The following CDH12 variants were observed in gnomAD, a reference collection of about 807,000 sequenced individuals.
The protein encoded by CDH12 is cadherin-12.
CDH12 carries 41 observed loss-of-function variants against 74.1 expected under a neutral mutation model. That is an observed-to-expected ratio of 0.55 (90% CI 0.43 to 0.72). The LOEUF (loss-of-function observed/expected upper bound fraction) is 0.72, where lower values mean the gene tolerates loss of function less well. Among genes scored for constraint, CDH12 ranks in the 30% least tolerant of loss-of-function variants. The probability of loss-of-function intolerance (pLI) is 0.00; values close to 1 mark genes in which losing one functional copy is unlikely to be tolerated. For synonymous variants in CDH12, 399 were observed against 355.0 expected (o/e 1.12, Z -1.39); for missense variants, 945 against 977.2 (o/e 0.97, Z 0.44).
intron 2 of CDH12, among the ~76,000 whole-genome samples, chr5:22,449,614 G>T (rs1375820215): frequency 6.6e-6 from 1 of 152,036 alleles, no homozygotes; most frequent in Non-Finnish European, 1.5e-5. Flanking sequence ...TGAAAATGAT[G>T]TGATTTGTTA....
chr5:22,524,954 T>TC (rs1463039186), intron 1 of CDH12, among the ~76,000 whole-genome samples: 1 of 130,338 alleles, frequency 7.7e-6, no homozygotes, highest in Non-Finnish European at 1.6e-5. Flanking sequence ...ATGCTATCCC[T>TC]CCCCCCTCCC....
intron 1 of CDH12, among the ~76,000 whole-genome samples, chr5:22,823,209 A>T (rs1749805254): frequency 7.3e-6 from 1 of 137,546 alleles, no homozygotes; most frequent in Non-Finnish European, 1.6e-5. Context: ...CAGGAAGGGG[A>T]ACATCACACT....
intron 3 of CDH12, among the ~76,000 whole-genome samples, chr5:22,385,735 G>A (rs369980731): frequency 6.6e-6 from 1 of 152,000 alleles, no homozygotes; most frequent in Non-Finnish European, 1.5e-5. Context: ...ATAAATAAAA[G>A]ATGTTTAATT....
intron 2 of CDH12, among the ~76,000 whole-genome samples, chr5:22,453,151 C>T (rs1036012649): frequency 3.3e-5 from 5 of 151,976 alleles, no homozygotes; most frequent in East Asian, 1.9e-4. Context: ...TAAATTAGTA[C>T]AGCCACTATC....
At chr5:22,173,306 T>C (rs1281018058) in intron 4 of CDH12, among the ~76,000 whole-genome samples, 1 of 146,756 alleles carries the variant, frequency 6.8e-6, no homozygotes, top group African/African-American at 2.5e-5. Context: ...TATAATATAA[T>C]TTACATTTTA....
intron 10 of CDH12, among the ~76,000 whole-genome samples, chr5:21,793,734 C>G (rs1468329882): frequency 6.6e-6 from 1 of 151,442 alleles, no homozygotes; most frequent in Admixed American, 6.6e-5. Context: ...GCATTTCCTG[C>G]TTGTGATTAG....
intron 1 of CDH12, among the ~76,000 whole-genome samples, chr5:22,669,669 A>G (rs1740805414): frequency 6.6e-6 from 1 of 152,212 alleles, no homozygotes; most frequent in African/African-American, 2.4e-5. Context: ...ATGGCAATGA[A>G]GATTTCATAC....
chr5:22,833,662 T>C (rs1245945512), intron 1 of CDH12, among the ~76,000 whole-genome samples: 1 of 152,226 alleles, frequency 6.6e-6, no homozygotes, highest in Non-Finnish European at 1.5e-5. Flanking sequence ...TTTTAATTAT[T>C]TGAAAAGCTC....
In CDH12 at chr5:22,391,037, G is replaced by C. The variant is rs147667677; in HGVS notation, c.-333+14220C>G. On this transcript the variant is annotated intron_variant, in intron 3 of 14. Transcript: ENST00000382254. ...ATAGGGTTGCAGTGCTAGGATTAGA[G>C]TTGTGTCCTTCTATGGTAGCACTAG... 6.0e-4 allele frequency among the ~76,000 whole-genome samples: 92 copies of C among 152,292 alleles called. 1 individual carries two copies. The highest frequency in any genetic ancestry group is 2.1e-3 in the African/African-American group (88 of 41,572).
intron 1 of CDH12, among the ~76,000 whole-genome samples, chr5:22,709,300 T>C (rs976079034): frequency 2.0e-5 from 3 of 151,884 alleles, no homozygotes; most frequent in Non-Finnish European, 4.4e-5. Context: ...TACAAGGTGG[T>C]ACATGACAGA....
chr5:21,844,839 T>C (rs1750070295), intron 7 of CDH12, among the ~76,000 whole-genome samples: 1 of 152,104 alleles, frequency 6.6e-6, no homozygotes, highest in African/African-American at 2.4e-5. Context: ...AGATGGATAG[T>C]GATATAGTGA....
At chr5:22,343,060 G>C (rs929043729) in intron 3 of CDH12, among the ~76,000 whole-genome samples, 1 of 151,666 alleles carries the variant, frequency 6.6e-6, no homozygotes, top group South Asian at 2.1e-4. Flanking sequence ...TCACTATGTT[G>C]GCCAGGCTGG....
chr5:22,225,778 G>A (rs1013196560), intron 3 of CDH12, among the ~76,000 whole-genome samples: 9 of 151,994 alleles, frequency 5.9e-5, no homozygotes, highest in African/African-American at 2.2e-4. Flanking sequence ...TTTTCTCTGG[G>A]CAATCCCAGT....
At chr5:22,777,822 TA>T (rs1478259921) in intron 1 of CDH12, among the ~76,000 whole-genome samples, 1 of 152,158 alleles carries the variant, frequency 6.6e-6, no homozygotes, top group African/African-American at 2.4e-5. Context: ...AATATATCAA[TA>T]TTTTTTTTGA....
At chr5:21,868,704 A>T (rs543672140) in intron 6 of CDH12, among the ~76,000 whole-genome samples, 23 of 152,324 alleles carry the variant, frequency 1.5e-4, no homozygotes, top group African/African-American at 5.5e-4. Context: ...GGAAGCAGGT[A>T]ACTTGTAAAT....
intron 4 of CDH12, among the ~76,000 whole-genome samples, chr5:22,104,960 A>G (rs1026348525): frequency 6.6e-6 from 1 of 152,118 alleles, no homozygotes; most frequent in Non-Finnish European, 1.5e-5. Flanking sequence ...GGGCTATGAG[A>G]AAGAATCAGG....
At chr5:22,182,118 G>C (rs1446193675) in intron 4 of CDH12, among the ~76,000 whole-genome samples, 1 of 151,934 alleles carries the variant, frequency 6.6e-6, no homozygotes, top group African/African-American at 2.4e-5. Flanking sequence ...TTTACGACCT[G>C]AACAATTAGT....
chr5:22,661,122 C>T (rs1324033904), intron 1 of CDH12, among the ~76,000 whole-genome samples: 1 of 152,094 alleles, frequency 6.6e-6, no homozygotes, highest in African/African-American at 2.4e-5. Context: ...AGCAAAGAAA[C>T]CTTATTTATA....
intron 5 of CDH12, among the ~76,000 whole-genome samples, chr5:22,020,476 C>T (rs866567240): frequency 1.3e-4 from 19 of 151,866 alleles, no homozygotes; most frequent in South Asian, 4.2e-4. Context: ...ATCGCTTGAA[C>T]CCAGGAGGCG....
Sources: allele counts gnomAD v4.1 joint callset (sites outside exome capture counted in the v4.1 genomes callset), GRCh38; gene constraint gnomAD v4.1.1; transcripts MANE v1.5; gene names NCBI Gene and HGNC (gene_info 2026-07-23, HGNC 2026-07-21).